QSER1: variants seen among roughly 807,000 people sequenced by gnomAD.
QSER1 encodes the protein glutamine and serine-rich protein 1.
QSER1 carries 49 observed loss-of-function variants against 158.5 expected under a neutral mutation model. That is an observed-to-expected ratio of 0.31 (90% CI 0.25 to 0.39). QSER1 has a LOEUF of 0.39. QSER1 is among the 10% of genes least tolerant of loss of function. The pLI, the probability that QSER1 is intolerant of heterozygous loss-of-function variation, is 1.00. For synonymous variants in QSER1, 650 were observed against 715.5 expected (o/e 0.91, Z 1.46); for missense variants, 1,754 against 2,010.3 (o/e 0.87, Z 2.44).
chr11:32,940,698 T>G (rs901625073), intron 4 of QSER1, among the ~76,000 whole-genome samples: 9 of 152,176 alleles, frequency 5.9e-5, no homozygotes, highest in Non-Finnish European at 1.0e-4. Flanking sequence ...AATCATTCAT[T>G]TAGATTGTAA....
chr11:32,912,847 C>T (rs555385004), intron 1 of QSER1, among the ~76,000 whole-genome samples: 12 of 152,216 alleles, frequency 7.9e-5, no homozygotes, highest in African/African-American at 1.4e-4. Context: ...TGGAAGGTCA[C>T]ACCTAGGGTG....
chr11:32,948,308 G>T (rs1223011481), intron 4 of QSER1, among the ~76,000 whole-genome samples: 1 of 152,188 alleles, frequency 6.6e-6, no homozygotes, highest in Non-Finnish European at 1.5e-5. Flanking sequence ...AATTAATTGA[G>T]TATTAAATTA....
At chr11:32,974,334 G>A (rs552109011) in intron 11 of QSER1, among the ~76,000 whole-genome samples, 1 of 152,052 alleles carries the variant, frequency 6.6e-6, no homozygotes, top group Non-Finnish European at 1.5e-5. Context: ...AGCTGAGTGG[G>A]AGGATCGCTT....
At chr11:32,974,251 T>A (rs1238628427) in intron 11 of QSER1, among the ~76,000 whole-genome samples, 5 of 151,954 alleles carry the variant, frequency 3.3e-5, no homozygotes, top group Non-Finnish European at 1.5e-5. Context: ...CAAGGCCCCA[T>A]GTCTACCCTG....
chr11:32,921,226 G>A (rs1290857362), intron 1 of QSER1, among the ~76,000 whole-genome samples: 1 of 152,166 alleles, frequency 6.6e-6, no homozygotes, highest in East Asian at 1.9e-4. Flanking sequence ...AACATATTTA[G>A]TGAAAGAAGC....
In QSER1 at chr11:32,910,996, G is replaced by A. The variant is rs368796381; in HGVS notation, c.210-16161G>A. Reference sequence around the variant, plus strand: ...TATAGGTAATGTATATGTAATATGTGTGTTATAGCTGTGCTTGATTTATTA... The same window carrying A: ...TATAGGTAATGTATATGTAATATGTATGTTATAGCTGTGCTTGATTTATTA... On this transcript the variant is annotated intron_variant, in intron 1 of 12. Transcript: ENST00000650167. 3.9e-5 allele frequency among the ~76,000 whole-genome samples: 6 copies of A among 152,308 alleles called. No individual in the cohort carries two copies. In the East Asian group the frequency reaches 7.7e-4, roughly 20 times the overall value.
intron 1 of QSER1, among the ~76,000 whole-genome samples, chr11:32,922,241 T>G (rs1851907818): frequency 6.6e-6 from 1 of 152,116 alleles, no homozygotes; most frequent in Non-Finnish European, 1.5e-5. Flanking sequence ...CTGATCAAAA[T>G]TAAGAGCTTT....
Position 32,957,917 on chromosome 11 carries a change from A to G in QSER1, c.4800A>G (p.Leu1600=), listed in dbSNP as rs1297419780. The G allele has an allele frequency of 2.5e-6, 4 of 1,614,072 alleles. No homozygotes were observed. Among genetic ancestry groups the G allele is most frequent in the Admixed American group, 1.7e-5 (1 of 60,010 alleles). The change falls in exon 8 of 13, where the codon CTA becomes CTG. Residue 1600 remains leucine, a synonymous_variant. Transcript: ENST00000650167. ...GTAGCAGTAAAACTTCTGATCCTCT[A>G]GCATCAAAAACTACAACTACAAAAG... is the stretch of plus-strand genomic sequence containing the variant. The part of the protein sequence containing the change: ...PSSSSKTSDP[L]ASKTTTTKAP...
At chr11:32,916,764 T>A (rs1345613194) in intron 1 of QSER1, among the ~76,000 whole-genome samples, 2 of 144,794 alleles carry the variant, frequency 1.4e-5, no homozygotes, top group Admixed American at 1.5e-4. Context: ...GAAACATTGT[T>A]ATGTTGGGCA....
At position 32,935,001 on chromosome 11, in the gene QSER1, A is replaced by G; in HGVS notation, c.3743A>G (p.Glu1248Gly). ...IYLPYTPPSS[E>G]SCHDGYQHQE... is the part of the protein sequence containing the mutation. ...TTACCGTATACTCCTCCTTCCTCAG[A>G]AAGCTGCCATGATGGTTATCAGCAT... Residue 1248 changes from glutamate to glycine, a missense_variant, in exon 4 of 13, where the codon GAA (glutamate) becomes GGA (glycine). Glu to Gly is a moderately conservative substitution (Grantham distance 98). Transcript: ENST00000650167. 6.2e-7 allele frequency: 1 copy of G among 1,614,164 alleles called. No homozygotes were observed. The highest frequency in any genetic ancestry group is 8.5e-7 in the Non-Finnish European group (1 of 1,180,010).
chr11:32,935,913 GT>G (rs1852145788), intron 4 of QSER1, among the ~76,000 whole-genome samples: 2 of 152,248 alleles, frequency 1.3e-5, no homozygotes, highest in South Asian at 4.1e-4. Flanking sequence ...ATTAAATGTG[GT>G]TATGTGCAGC....
chr11:32,962,416 C>A (rs956955495), intron 8 of QSER1, among the ~76,000 whole-genome samples: 1 of 152,112 alleles, frequency 6.6e-6, no homozygotes, highest in Non-Finnish European at 1.5e-5. Flanking sequence ...GGATATTAAA[C>A]CCTTAATCAG....
At position 32,976,554 on chromosome 11, in the gene QSER1, G is replaced by C. The variant is rs746136508; in HGVS notation, c.*80G>C. On this transcript the variant is annotated 3_prime_UTR_variant, in exon 13 of 13. Coordinates refer to ENST00000650167, the MANE Select transcript of QSER1 (RefSeq NM_001076786.3). ...GTGGTCAAAGATAATCAGATGTCAA[G>C]TAGTGGCCTTCTGCAGGCCGGCCGC... is the stretch of plus-strand genomic sequence containing the variant. The C allele has an allele frequency of 6.7e-7, 1 of 1,482,520 alleles. No individual in the cohort carries two copies. Among genetic ancestry groups the C allele is most frequent in the Non-Finnish European group, 9.3e-7 (1 of 1,080,478 alleles). The allele number at this position is 1,482,520 out of a possible 1,614,324, so 91.8% of individuals were successfully genotyped here.
chr11:32,913,038 C>A lies in QSER1; in HGVS notation c.210-14119C>A, dbSNP rs78409700. On this transcript the variant is annotated intron_variant, in intron 1 of 12. Coordinates refer to ENST00000650167, the MANE Select transcript of QSER1 (RefSeq NM_001076786.3). ...GTTTGGTTCCTGTCTACCTCATATC[C>A]CTGTTCTCCAATACAACCATGCTGA... Among the ~76,000 whole-genome samples, 302 of 152,126 alleles carry A rather than the reference C, an allele frequency of 2.0e-3. 5 individuals are homozygous for A. In the East Asian group the frequency reaches 0.056, roughly 28 times the overall value.
rs1203235429 is a variant in QSER1, at chr11:32,956,105, C to T, written c.4735C>T (p.Pro1579Ser). ...RVCSKKPRNK[P>S]SQTIRTVQAK... ...GTGTTCTAAAAAGCCAAGAAATAAA[C>T]CTTCACAAACTATCAGGTATTTGTT... The change falls in exon 7 of 13, where the codon CCT becomes TCT. Residue 1579 changes from proline (P) to serine (S), a missense_variant. Transcript: ENST00000650167. 4.3e-6 allele frequency: 7 copies of T among 1,610,622 alleles called. No individual in the cohort carries two copies. Among genetic ancestry groups the T allele is most frequent in the African/African-American group, 2.7e-5 (2 of 74,804 alleles).
chr11:32,929,718 G>GT (rs1279383947), intron 3 of QSER1, among the ~76,000 whole-genome samples: 13 of 152,280 alleles, frequency 8.5e-5, no homozygotes, highest in Non-Finnish European at 1.5e-4. Context: ...CTTTTGGCAT[G>GT]TTTGAGATTA....
Position 32,932,531 on chromosome 11 carries a change from A to G in QSER1, c.1273A>G (p.Lys425Glu). The G allele has an allele frequency of 1.9e-6, 3 of 1,614,172 alleles. No individual in the cohort carries two copies. The highest frequency in any genetic ancestry group is 2.5e-6 in the Non-Finnish European group (3 of 1,180,020). The change falls in exon 4 of 13, where the codon AAA becomes GAA. Residue 425 changes from lysine to glutamate, a missense_variant. Physicochemically the swap from Lys to Glu is moderately conservative, Grantham distance 56 (BLOSUM62 1). Transcript: ENST00000650167. ...EQPLTSTKTP[K>E]PQSIIPPVQT... Reference sequence around the variant, plus strand: ...ACCACTGACATCAACCAAGACCCCTAAACCTCAAAGTATAATTCCTCCTGT... The same window carrying G: ...ACCACTGACATCAACCAAGACCCCTGAACCTCAAAGTATAATTCCTCCTGT...
chr11:32,975,761 C>T, intron 12 of QSER1: 1 of 596,830 alleles, frequency 1.7e-6, no homozygotes, highest in Non-Finnish European at 2.2e-6. Flanking sequence ...GGTTTTGTGC[C>T]TTGGCATGAA....
rs568243122 is a variant in QSER1, at chr11:32,974,430, A to G, written c.5359-818A>G. On this transcript the variant is annotated intron_variant, in intron 11 of 12. Coordinates refer to ENST00000650167, the MANE Select transcript of QSER1 (RefSeq NM_001076786.3). ...GACAGAATGAGACACTGTCTCAAAAAAAAAAAAAAAAGTATTCTGTAGAAA... is the reference window on the plus strand; with the variant it reads ...GACAGAATGAGACACTGTCTCAAAAGAAAAAAAAAAAGTATTCTGTAGAAA... 1.6e-3 allele frequency among the ~76,000 whole-genome samples: 244 copies of G among 152,246 alleles called. 1 individual carries two copies. Among genetic ancestry groups the G allele is most frequent in the African/African-American group, 4.6e-3 (191 of 41,556 alleles).
Sources: gnomAD v4.1 joint callset for allele counts (sites outside exome capture counted in the v4.1 genomes callset) on GRCh38, gnomAD v4.1.1 for gene constraint, MANE v1.5 for transcripts, NCBI Gene and HGNC (gene_info 2026-07-23, HGNC 2026-07-21) for gene names.